The following BDKRB2 variants were observed in gnomAD, a reference collection of about 807,000 sequenced individuals.
The protein encoded by BDKRB2 is bradykinin receptor B2, also known as B2 bradykinin receptor.
A neutral mutation model predicts 4.0 loss-of-function variants in BDKRB2; 6 were observed. The observed-to-expected ratio is 1.49, with a 90% CI of 0.81 to 2.93. BDKRB2 has a LOEUF of 2.93. Among genes scored for constraint, BDKRB2 ranks in the 30% most tolerant of loss-of-function variants. BDKRB2 has a pLI of 0.00. For missense variants in BDKRB2, 478 were observed against 520.1 expected (o/e 0.92, Z 0.79); for synonymous variants, 225 against 215.3 (o/e 1.05, Z -0.40).
chr14:96,221,672 G>C (rs886604933), intron 1 of BDKRB2, among the ~76,000 whole-genome samples: 16 of 152,042 alleles, frequency 1.1e-4, no homozygotes, highest in Non-Finnish European at 2.1e-4. Context: ...TGGTGCAAGG[G>C]GGCTTGTGGG....
At chr14:96,231,744 A>C (rs1408723625) in intron 1 of BDKRB2, among the ~76,000 whole-genome samples, 1 of 152,154 alleles carries the variant, frequency 6.6e-6, no homozygotes, top group Non-Finnish European at 1.5e-5. Context: ...GATGTGCAAA[A>C]CTCAGCTGCA....
chr14:96,241,255 C>T lies in BDKRB2; in HGVS notation c.927C>T (p.Ile309=). 1 of 1,613,630 alleles carries T rather than the reference C, an allele frequency of 6.2e-7. No homozygotes were observed. Among genetic ancestry groups the T allele is most frequent in the African/African-American group, 1.3e-5 (1 of 75,048 alleles). Residue 309 remains isoleucine, a synonymous_variant, in exon 3 of 3, where the codon ATC becomes ATT. Coordinates refer to ENST00000554311, the MANE Select transcript of BDKRB2 (RefSeq NM_001379692.1). Reference sequence around the variant, plus strand: ...TCTCCAGCTGCCAGGACGAGCGCATCATCGATGTAATCACACAGATCGCCT... The same window carrying T: ...TCTCCAGCTGCCAGGACGAGCGCATTATCGATGTAATCACACAGATCGCCT... ...GILSSCQDER[I]IDVITQIASF...
chr14:96,227,434 C>T lies in BDKRB2; in HGVS notation c.-39-9635C>T, dbSNP rs147885590. 3.0e-3 allele frequency among the ~76,000 whole-genome samples: 457 copies of T among 152,218 alleles called. 3 individuals are homozygous for T. The highest frequency in any genetic ancestry group is 0.01 in the African/African-American group (432 of 41,510). On this transcript the variant is annotated intron_variant, in intron 1 of 2. Transcript: ENST00000554311. Reference sequence around the variant, plus strand: ...AGCTGGGCTTCTGATAGGGAGTGGGCCTCAGTCATGAAACCACAAGACTTG... The same window carrying T: ...AGCTGGGCTTCTGATAGGGAGTGGGTCTCAGTCATGAAACCACAAGACTTG...
chr14:96,210,145 A>T (rs1339438187), intron 1 of BDKRB2, among the ~76,000 whole-genome samples: 1 of 152,162 alleles, frequency 6.6e-6, no homozygotes, highest in Non-Finnish European at 1.5e-5. Context: ...AATTTATATC[A>T]TGAGGGTGAA....
At chr14:96,207,555 A>G (rs1213114053) in intron 1 of BDKRB2, among the ~76,000 whole-genome samples, 1 of 152,146 alleles carries the variant, frequency 6.6e-6, no homozygotes, top group Non-Finnish European at 1.5e-5. Context: ...CGTTTGTGCA[A>G]ACCCACAGAA....
chr14:96,235,072 G>T (rs1299618631), intron 1 of BDKRB2, among the ~76,000 whole-genome samples: 1 of 152,120 alleles, frequency 6.6e-6, no homozygotes, highest in African/African-American at 2.4e-5. Flanking sequence ...TTTAAGCCGG[G>T]TGCAGTGGCT....
In BDKRB2 at chr14:96,235,857, A is replaced by G. The variant is rs1890923038; in HGVS notation, c.-39-1212A>G. On this transcript the variant is annotated intron_variant, in intron 1 of 2. Coordinates refer to ENST00000554311, the MANE Select transcript of BDKRB2 (RefSeq NM_001379692.1). ...CCTGCACTCACACACTTGCACATGC[A>G]TAGACCACAGCTTTCCACACCCTTC... 4.6e-5 allele frequency among the ~76,000 whole-genome samples: 7 copies of G among 152,284 alleles called. No individual in the cohort carries two copies. The South Asian group carries it at 1.5e-3, about 32-fold the overall frequency.
intron 1 of BDKRB2, among the ~76,000 whole-genome samples, chr14:96,213,839 TG>T (rs1890358027): frequency 6.6e-6 from 1 of 151,792 alleles, no homozygotes; most frequent in Non-Finnish European, 1.5e-5. Context: ...GTTGAGGAAA[TG>T]GTCCCTAGAG....
intron 1 of BDKRB2, among the ~76,000 whole-genome samples, chr14:96,216,095 A>G (rs749940854): frequency 6.6e-6 from 1 of 152,194 alleles, no homozygotes; most frequent in Non-Finnish European, 1.5e-5. Flanking sequence ...ATGAAATACC[A>G]AGGAAAGTAG....
At chr14:96,220,162 GGGCATAGGGCA>G (rs957286100) in intron 1 of BDKRB2, among the ~76,000 whole-genome samples, 15 of 152,162 alleles carry the variant, frequency 9.9e-5, no homozygotes, top group Non-Finnish European at 1.8e-4. Context: ...AAGTCCCCAA[GGGCATAGGGCA>G]GAGCAGCAGG....
At chr14:96,238,106 G>T in intron 2 of BDKRB2, 1 of 1,031,562 alleles carries the variant, frequency 9.7e-7, no homozygotes, top group Non-Finnish European at 1.2e-6. Flanking sequence ...TCAGAGCCCA[G>T]TAGAGACAGC....
chr14:96,220,625 C>A (rs1890537529), intron 1 of BDKRB2, among the ~76,000 whole-genome samples: 1 of 150,344 alleles, frequency 6.7e-6, no homozygotes, highest in East Asian at 2.0e-4. Flanking sequence ...CCCTCCCCAC[C>A]CCCTTTAAGG....
intron 1 of BDKRB2, among the ~76,000 whole-genome samples, chr14:96,234,853 C>A (rs1890896176): frequency 6.6e-6 from 1 of 152,194 alleles, no homozygotes; most frequent in Non-Finnish European, 1.5e-5. Flanking sequence ...TCCCCCATGA[C>A]TGAGCTGTGA....
At position 96,241,340 on chromosome 14, in the gene BDKRB2, C is replaced by T. The variant is rs200627214; in HGVS notation, c.1012C>T (p.Arg338Cys). The T allele has an allele frequency of 1.2e-5, 20 of 1,613,772 alleles. No individual in the cohort carries two copies. The highest frequency in any genetic ancestry group is 3.3e-5 in the Admixed American group (2 of 59,990). The change falls in exon 3 of 3, where the codon CGC (arginine) becomes TGC (cysteine). Residue 338 changes from arginine (R) to cysteine (C), a missense_variant. Arg to Cys is a radical substitution (Grantham distance 180). Coordinates refer to ENST00000554311, the MANE Select transcript of BDKRB2 (RefSeq NM_001379692.1). Reference sequence around the variant, plus strand: ...ACTGGTGTACGTGATCGTGGGCAAGCGCTTCCGAAAGAAGTCTTGGGAGGT... The same window carrying T: ...ACTGGTGTACGTGATCGTGGGCAAGTGCTTCCGAAAGAAGTCTTGGGAGGT... ...NPLVYVIVGK[R>C]FRKKSWEVYQ...
intron 1 of BDKRB2, among the ~76,000 whole-genome samples, chr14:96,232,529 T>C (rs1046540852): frequency 2.6e-5 from 4 of 152,246 alleles, no homozygotes; most frequent in African/African-American, 9.6e-5. Context: ...CAACTTCATG[T>C]CACCAATTTA....
At chr14:96,233,111 G>A (rs552605547) in intron 1 of BDKRB2, among the ~76,000 whole-genome samples, 4 of 152,068 alleles carry the variant, frequency 2.6e-5, no homozygotes, top group Non-Finnish European at 5.9e-5. Flanking sequence ...CTGCAGCCTC[G>A]ATCACCCCGG....
At chr14:96,228,447 G>A (rs892751665) in intron 1 of BDKRB2, among the ~76,000 whole-genome samples, 2 of 152,156 alleles carry the variant, frequency 1.3e-5, no homozygotes, top group Non-Finnish European at 2.9e-5. Context: ...GAGTGATGGA[G>A]GTGGCTCTTA....
intron 1 of BDKRB2, among the ~76,000 whole-genome samples, chr14:96,233,274 T>C (rs1890860377): frequency 6.6e-6 from 1 of 152,194 alleles, no homozygotes; most frequent in African/African-American, 2.4e-5. Context: ...GCTCAAGCGA[T>C]CCGCCTGCCT....
intron 1 of BDKRB2, among the ~76,000 whole-genome samples, chr14:96,216,394 A>C (rs1023565644): frequency 6.6e-6 from 1 of 152,024 alleles, no homozygotes; most frequent in African/African-American, 2.4e-5. Flanking sequence ...ATTTTGGTAG[A>C]CCAAGGTAGG....
Sources: allele counts gnomAD v4.1 joint callset (sites outside exome capture counted in the v4.1 genomes callset), GRCh38; gene constraint gnomAD v4.1.1; transcripts MANE v1.5; gene names NCBI Gene and HGNC (gene_info 2026-07-23, HGNC 2026-07-21).